The following PRRC2B variants were observed in gnomAD, a reference collection of about 807,000 sequenced individuals.
The protein encoded by PRRC2B is protein PRRC2B.
In PRRC2B, 68 loss-of-function variants were observed where a neutral mutation model predicts 242.3. That is an observed-to-expected ratio of 0.28 (90% CI 0.23 to 0.34). The LOEUF (loss-of-function observed/expected upper bound fraction) is 0.34. Ranked by LOEUF, PRRC2B falls within the 10% of genes least tolerant of loss-of-function variation. The probability of loss-of-function intolerance (pLI) is 1.00; values close to 1 mark genes in which losing one functional copy is unlikely to be tolerated. For synonymous variants in PRRC2B, 1,228 were observed against 1,173.6 expected (o/e 1.05, Z -0.95); for missense variants, 2,835 against 2,954.8 (o/e 0.96, Z 0.94).
chr9:131,399,950 C>T (rs1456379577), intron 1 of PRRC2B, among the ~76,000 whole-genome samples: 2 of 152,278 alleles, frequency 1.3e-5, no homozygotes, highest in East Asian at 3.9e-4. Flanking sequence ...GTCCACGTGG[C>T]TGATTATCTC....
chr9:131,377,925 T>G (rs1836707575), intron 1 of PRRC2B, among the ~76,000 whole-genome samples: 1 of 152,118 alleles, frequency 6.6e-6, no homozygotes, highest in Admixed American at 6.6e-5. Flanking sequence ...CTGGCTAATT[T>G]TTAAATTTTT....
intron 5 of PRRC2B, 146 bp from the exon 6 acceptor site, chr9:131,444,039 C>T (rs1838702142): frequency 8.4e-6 from 7 of 835,670 alleles, no homozygotes. Flanking sequence ...ACCCTCGTGG[C>T]ATCTGCCAGC....
intron 1 of PRRC2B, among the ~76,000 whole-genome samples, chr9:131,420,470 T>TTTCC (rs1564278528): frequency 0.018 from 216 of 12,298 alleles, 3 homozygotes; most frequent in African/African-American, 0.035. Flanking sequence ...TCTTTCTTTC[T>TTTCC]TTCTTTCTTT....
At chr9:131,394,374 G>T (rs1241658681) in intron 1 of PRRC2B, 111 bp downstream of exon 1, 1 of 146,158 alleles carries the variant, frequency 6.8e-6, no homozygotes, top group South Asian at 2.0e-4. Flanking sequence ...GGGCCCGGGG[G>T]CCCTGCGGCC....
chr9:131,430,368 C>A, intron 2 of PRRC2B, 109 bp downstream of exon 2: 1 of 623,292 alleles, frequency 1.6e-6, no homozygotes, highest in Admixed American at 2.9e-5. Context: ...GCACACCAGG[C>A]TTCTGGGTGT....
At chr9:131,490,422 C>A (rs1001426785) in intron 28 of PRRC2B, 1 of 518,356 alleles carries the variant, frequency 1.9e-6, no homozygotes, top group Non-Finnish European at 3.9e-6. Flanking sequence ...CCATCATTTT[C>A]ATCCTGCACC....
Position 131,401,958 on chromosome 9 carries a change from G to A in PRRC2B, c.-52+7695G>A, listed in dbSNP as rs566672049. 1.5e-3 allele frequency among the ~76,000 whole-genome samples: 228 copies of A among 150,824 alleles called. 4 individuals carry two copies. Among genetic ancestry groups the A allele is most frequent in the South Asian group, 3.6e-3 (17 of 4,778 alleles). ...TTACAGGCGTGAGCCACTGTGCTTG[G>A]TCTAATTTTTGTATTATTGTTATTA... On this transcript the variant is annotated intron_variant, in intron 1 of 31. Transcript: ENST00000683519.
intron 9 of PRRC2B, among the ~76,000 whole-genome samples, chr9:131,453,758 TG>T (rs1942992773): frequency 6.6e-6 from 1 of 152,208 alleles, no homozygotes; most frequent in African/African-American, 2.4e-5. Flanking sequence ...GTTCAAATTC[TG>T]GGCCTCAAGT....
Position 131,498,924 on chromosome 9 carries a change from A to G in PRRC2B, c.*3050A>G, listed in dbSNP as rs1944398916. The G allele has an allele frequency of 6.6e-6, 1 of 152,172 alleles. No individual in the cohort carries two copies. Among genetic ancestry groups the G allele is most frequent in the African/African-American group, 2.4e-5 (1 of 41,432 alleles). 9.4% of individuals were successfully genotyped at this position (152,172 alleles called of 1,614,324 possible). ...TCTACCCACTGGGGACTTCAATGCCAGCTGCATTTGGTTTGGTTTTCTTAA... is the reference window on the plus strand; with the variant it reads ...TCTACCCACTGGGGACTTCAATGCCGGCTGCATTTGGTTTGGTTTTCTTAA... On this transcript the variant is annotated 3_prime_UTR_variant, in exon 32 of 32. Coordinates refer to ENST00000683519, the MANE Select transcript of PRRC2B (RefSeq NM_013318.4).
At position 131,481,166 on chromosome 9, in the gene PRRC2B, C is replaced by T. The variant is rs528598212; in HGVS notation, c.4901-560C>T. Among the ~76,000 whole-genome samples the T allele has an allele frequency of 5.3e-5, 8 of 151,764 alleles. No homozygotes were observed. In the South Asian group the frequency reaches 1.3e-3, roughly 24 times the overall value. The stretch of plus-strand genomic sequence containing the variant: ...AATACAACAACAACAAAAAATTAGC[C>T]GGGCGTGGTGGCGGGCACCTATAGT... On this transcript the variant is annotated intron_variant, in intron 19 of 31. Coordinates refer to ENST00000683519, the MANE Select transcript of PRRC2B (RefSeq NM_013318.4).
In PRRC2B at chr9:131,481,795, C is replaced by T. The variant is rs1043656274; in HGVS notation, c.4970C>T (p.Thr1657Ile). Residue 1657 changes from threonine (T) to isoleucine (I), a missense_variant, in exon 20 of 32, where the codon ACT becomes ATT. Thr to Ile is a moderately conservative substitution (Grantham distance 89). Coordinates refer to ENST00000683519, the MANE Select transcript of PRRC2B (RefSeq NM_013318.4). ...KAVTAFSSTE[T>I]GSAEQGFKSS... ...GTCACTGCCTTCAGCAGCACCGAGACTGGCTCTGCGGAGGTGAGTGTGGCC... is the reference window on the plus strand; with the variant it reads ...GTCACTGCCTTCAGCAGCACCGAGATTGGCTCTGCGGAGGTGAGTGTGGCC... The T allele has an allele frequency of 1.9e-6, 3 of 1,559,362 alleles. No homozygotes were observed. Among genetic ancestry groups the T allele is most frequent in the African/African-American group, 2.7e-5 (2 of 73,568 alleles).
chr9:131,485,091 C>G lies in PRRC2B; in HGVS notation c.5709C>G (p.Ser1903=). The G allele has an allele frequency of 6.2e-7, 1 of 1,601,808 alleles. No individual in the cohort carries two copies. Among genetic ancestry groups the G allele is most frequent in the Non-Finnish European group, 8.5e-7 (1 of 1,173,772 alleles). The change falls in exon 25 of 32, where the codon TCC becomes TCG. Residue 1903 remains serine, a synonymous_variant. Transcript: ENST00000683519. ...ACTACAGCTCCTTCGGTGGAGTGTC[C>G]ATGCCACCCATGCCTGTGGCCTCTG... ...GVNYSSFGGV[S]MPPMPVASVA... is the part of the protein sequence containing the mutation.
upstream of PRRC2B, among the ~76,000 whole-genome samples, chr9:131,389,849 T>C (rs1588234592): frequency 6.7e-6 from 1 of 149,220 alleles, no homozygotes. Context: ...TAGAAACTCT[T>C]AGGCACCAAA....
chr9:131,447,066 C>T lies in PRRC2B; in HGVS notation c.856-19C>T. The T allele has an allele frequency of 6.2e-7, 1 of 1,613,834 alleles. No individual in the cohort carries two copies. Among genetic ancestry groups the T allele is most frequent in the Non-Finnish European group, 8.5e-7 (1 of 1,179,820 alleles). On this transcript the variant is annotated intron_variant, in intron 7 of 31. Coordinates refer to ENST00000683519, the MANE Select transcript of PRRC2B (RefSeq NM_013318.4). ...TCAGCCATTACCAGCAAATCCTGTT[C>T]ATTGATGTTATGTTTCAGATGTGTT...
intron 1 of PRRC2B, among the ~76,000 whole-genome samples, chr9:131,414,409 G>A (rs201486044): frequency 0.028 from 731 of 26,044 alleles, 18 homozygotes; most frequent in Non-Finnish European, 0.067. Flanking sequence ...ATTAAAGTTT[G>A]TATCTTTTGC....
At chr9:131,439,541 A>T (rs1588251794) in intron 5 of PRRC2B, among the ~76,000 whole-genome samples, 1 of 152,134 alleles carries the variant, frequency 6.6e-6, no homozygotes, top group Admixed American at 6.5e-5. Flanking sequence ...CTGCCAGCCA[A>T]GGCTTCACCA....
chr9:131,435,159 G>A (rs1050498827), intron 3 of PRRC2B, among the ~76,000 whole-genome samples: 1 of 151,928 alleles, frequency 6.6e-6, no homozygotes, highest in African/African-American at 2.4e-5. Context: ...TTAGCTGGGC[G>A]TGGTCGTGCA....
chr9:131,482,234 G>A lies in PRRC2B; in HGVS notation c.4984-137G>A, dbSNP rs1588278309. 1.0e-6 allele frequency: 1 copy of A among 956,806 alleles called. No individual in the cohort carries two copies. The highest frequency in any genetic ancestry group is 1.6e-6 in the Non-Finnish European group (1 of 631,690). The allele number at this position is 956,806 out of a possible 1,614,324, so 59.3% of individuals were successfully genotyped here. On this transcript the variant is annotated intron_variant, in intron 20 of 31. Transcript: ENST00000683519. This position sits in a 1 kb window ranked among gnomAD's most constrained non-coding sequence, Gnocchi z 5.2. The stretch of plus-strand genomic sequence containing the variant: ...TAAGTTGTCAGGCATCCTCAGCAGG[G>A]CAGGATCAAGATCAGGACCAGACTT...
rs1208901156 is a variant in PRRC2B at position 131,482,799 on chromosome 9, G to C, written c.5265G>C (p.Glu1755Asp). The change falls in exon 22 of 32, where the codon GAG (glutamate) becomes GAC (aspartate). Residue 1755 changes from glutamate to aspartate, a missense_variant. Around this residue, in one of 7 missense-constraint regions of PRRC2B, gnomAD observed 574 missense variants for 626.0 expected, o/e 0.92. Transcript: ENST00000683519. This position sits in a 1 kb window ranked among gnomAD's most constrained non-coding sequence, Gnocchi z 5.2. ...CTCTGAAAAACAGAAAGGGCTCGGAGGGGGCCGAGCGGCTGCAAGGGGCTG... is the reference window on the plus strand; with the variant it reads ...CTCTGAAAAACAGAAAGGGCTCGGACGGGGCCGAGCGGCTGCAAGGGGCTG... ...ERSLKNRKGS[E>D]GAERLQGAVV... is the part of the protein sequence containing the mutation. 6.2e-7 allele frequency: 1 copy of C among 1,610,730 alleles called. No homozygotes were observed. The highest frequency in any genetic ancestry group is 8.5e-7 in the Non-Finnish European group (1 of 1,178,470).
Sources: allele counts gnomAD v4.1 joint callset (sites outside exome capture counted in the v4.1 genomes callset), GRCh38; gene constraint gnomAD v4.1.1; regional missense constraint gnomAD v4.1.1; non-coding constraint Gnocchi (gnomAD v3.1); transcripts MANE v1.5; gene names NCBI Gene and HGNC (gene_info 2026-07-23, HGNC 2026-07-21).